ELOVL7: variants seen among roughly 807,000 people sequenced by gnomAD.
ELOVL7 encodes very long chain fatty acid elongase 7.
Under a neutral mutation model 35.7 loss-of-function variants are expected in ELOVL7, and 27 were observed. The observed-to-expected ratio is 0.76, with a 90% confidence interval of 0.56 to 1.04. ELOVL7 has a LOEUF of 1.04. Among genes scored for constraint, ELOVL7 ranks in the 50% least tolerant of loss-of-function variants. The probability of loss-of-function intolerance (pLI) is 0.00; values close to 1 mark genes in which losing one functional copy is unlikely to be tolerated. For missense variants in ELOVL7, 327 were observed against 340.8 expected (o/e 0.96, Z 0.32); for synonymous variants, 113 against 114.6 (o/e 0.99, Z 0.09).
At chr5:60,836,774 G>A (rs552705101) in intron 1 of ELOVL7, among the ~76,000 whole-genome samples, 2 of 152,064 alleles carry the variant, frequency 1.3e-5, no homozygotes, top group Non-Finnish European at 2.9e-5. Context: ...TTGGGGGATG[G>A]GGCTGTATTT....
At chr5:60,770,900 A>G (rs986189795) in intron 4 of ELOVL7, among the ~76,000 whole-genome samples, 1 of 152,072 alleles carries the variant, frequency 6.6e-6, no homozygotes, top group Admixed American at 6.6e-5. Context: ...AGGTCTCCCT[A>G]TGTTGTCCAG....
chr5:60,819,740 C>G (rs779470091), intron 1 of ELOVL7, among the ~76,000 whole-genome samples: 27 of 152,106 alleles, frequency 1.8e-4, no homozygotes, highest in Non-Finnish European at 3.1e-4. Flanking sequence ...GAGCCAAGAT[C>G]GAGCCACCGC....
intron 1 of ELOVL7, among the ~76,000 whole-genome samples, chr5:60,807,992 CAAAAAAAAAAAAAAAA>C (rs34086506): frequency 0.06 from 2,567 of 42,630 alleles, 137 homozygotes; most frequent in African/African-American, 0.19. Flanking sequence ...GACTCCGTCT[CAAAAAAAAAAAAAAAA>C]AAAAAAAAAA....
Position 60,766,467 on chromosome 5 carries a change from C to T in ELOVL7, c.393+107G>A. ...GAATAGGAGAAATAACCAAAGTTAT[C>T]AGACAACTGAAACTACAGCAGTTTA... On this transcript the variant is annotated intron_variant, in intron 6 of 8. Transcript: ENST00000508821. 4.3e-6 allele frequency: 4 copies of T among 931,544 alleles called. No homozygotes were observed. In the South Asian group the frequency reaches 7.8e-5, roughly 18 times the overall value. 57.7% of individuals were successfully genotyped at this position (931,544 alleles called of 1,614,324 possible). A position where few individuals can be genotyped will look rare whatever the true frequency, so the allele number is the denominator to read the frequency against.
intron 1 of ELOVL7, among the ~76,000 whole-genome samples, chr5:60,832,327 C>T (rs529251140): frequency 1.3e-5 from 2 of 152,178 alleles, no homozygotes; most frequent in East Asian, 3.9e-4. Flanking sequence ...TGTGCTCTGT[C>T]TACTGATGAA....
chr5:60,809,126 C>A (rs981158911), intron 1 of ELOVL7, among the ~76,000 whole-genome samples: 1 of 152,008 alleles, frequency 6.6e-6, no homozygotes, highest in African/African-American at 2.4e-5. Context: ...TTAATATCTA[C>A]CTCTGTGTAT....
intron 1 of ELOVL7, among the ~76,000 whole-genome samples, chr5:60,841,432 T>C (rs1439257520): frequency 1.3e-5 from 2 of 152,200 alleles, no homozygotes; most frequent in Non-Finnish European, 2.9e-5. Context: ...TAGAATTATG[T>C]TCAGTGGGTC....
intron 1 of ELOVL7, among the ~76,000 whole-genome samples, chr5:60,838,054 G>GC (rs1193766742): frequency 2.6e-5 from 4 of 152,176 alleles, no homozygotes; most frequent in Admixed American, 2.6e-4. Flanking sequence ...AATGGCAAGC[G>GC]CCAGAGAGAT....
intron 7 of ELOVL7, among the ~76,000 whole-genome samples, chr5:60,762,334 T>C (rs958083606): frequency 9.4e-5 from 14 of 148,404 alleles, no homozygotes; most frequent in African/African-American, 3.2e-4. Flanking sequence ...TTGAAGTATA[T>C]CATATTTAAA....
Position 60,751,981 on chromosome 5 carries a change from G to C in ELOVL7, c.*2643C>G, listed in dbSNP as rs1043275437. The C allele has an allele frequency of 1.3e-5, 2 of 151,998 alleles. No homozygotes were observed. The highest frequency in any genetic ancestry group is 2.4e-5 in the African/African-American group (1 of 41,386). 9.4% of individuals were successfully genotyped at this position (151,998 alleles called of 1,614,324 possible). ...CATAGATATTTAAAAATCTATATTT[G>C]TATTTATTTATAATATAGATATAGG... On this transcript the variant is annotated 3_prime_UTR_variant, in exon 9 of 9. Coordinates refer to ENST00000508821, the MANE Select transcript of ELOVL7 (RefSeq NM_024930.3).
chr5:60,842,401 A>C (rs887022895), intron 1 of ELOVL7, among the ~76,000 whole-genome samples: 9 of 152,056 alleles, frequency 5.9e-5, no homozygotes, highest in African/African-American at 2.2e-4. Flanking sequence ...CAGACGTTAC[A>C]CTAAAACTGA....
At chr5:60,803,785 T>C (rs1053139370) in intron 1 of ELOVL7, among the ~76,000 whole-genome samples, 2 of 152,204 alleles carry the variant, frequency 1.3e-5, no homozygotes, top group African/African-American at 4.8e-5. Flanking sequence ...ACATTTTCTA[T>C]ATGAATTAAC....
chr5:60,757,395 C>T lies in ELOVL7; in HGVS notation c.636+114G>A, dbSNP rs141375462. The T allele has an allele frequency of 8.5e-4, 920 of 1,078,196 alleles. 11 individuals are homozygous for T. The African/African-American group carries it at 0.013, about 15-fold the overall frequency. The allele number at this position is 1,078,196 out of a possible 1,614,324, so 66.8% of individuals were successfully genotyped here. On this transcript the variant is annotated intron_variant, in intron 8 of 8. Coordinates refer to ENST00000508821, the MANE Select transcript of ELOVL7 (RefSeq NM_024930.3). ...TGGCATATCATGTAGGGGCCAGACG[C>T]TCTACCCCTATTGTTTTGTCTTTCT...
intron 1 of ELOVL7, among the ~76,000 whole-genome samples, chr5:60,833,715 G>A (rs1274458324): frequency 6.6e-6 from 1 of 152,042 alleles, no homozygotes; most frequent in Non-Finnish European, 1.5e-5. Flanking sequence ...TGTGACCTTG[G>A]GCAAGGTTCT....
intron 1 of ELOVL7, among the ~76,000 whole-genome samples, chr5:60,830,963 G>A (rs570314711): frequency 2.0e-5 from 3 of 152,172 alleles, no homozygotes; most frequent in Non-Finnish European, 4.4e-5. Context: ...TGACATGATT[G>A]CTGCTAATTC....
chr5:60,767,727 CATCTGCTTAT>C, intron 5 of ELOVL7, 86 bp downstream of exon 5: 1 of 799,860 alleles, frequency 1.3e-6, no homozygotes. Context: ...ATAACTGAGT[CATCTGCTTAT>C]TCTAAGTTTA....
intron 1 of ELOVL7, among the ~76,000 whole-genome samples, chr5:60,815,927 C>G (rs567841520): frequency 6.6e-6 from 1 of 152,268 alleles, no homozygotes; most frequent in African/African-American, 2.4e-5. Context: ...TCAGGCAGAT[C>G]TGAGGCATGT....
intron 1 of ELOVL7, among the ~76,000 whole-genome samples, chr5:60,836,350 A>G (rs964784300): frequency 1.1e-4 from 17 of 152,142 alleles, no homozygotes; most frequent in African/African-American, 3.9e-4. Flanking sequence ...TGCCATTTCT[A>G]TCTTCTTTCT....
chr5:60,772,114 G>A (rs571268263), intron 3 of ELOVL7, 21 bp from the exon 4 acceptor site: 3 of 1,564,020 alleles, frequency 1.9e-6, no homozygotes, highest in Admixed American at 1.8e-5. Flanking sequence ...AACAATATGT[G>A]AGTACACACC....
Sources: gnomAD v4.1 joint callset for allele counts (sites outside exome capture counted in the v4.1 genomes callset) on GRCh38, gnomAD v4.1.1 for gene constraint, MANE v1.5 for transcripts, NCBI Gene and HGNC (gene_info 2026-07-23, HGNC 2026-07-21) for gene names.